The following CFAP65 variants were observed in gnomAD, a reference collection of about 807,000 sequenced individuals.
CFAP65 encodes cilia and flagella associated protein 65.
Under a neutral mutation model 208.0 loss-of-function variants are expected in CFAP65, and 155 were observed. The ratio of observed to expected loss-of-function variants is 0.75; its 90% CI spans 0.65 to 0.85. The LOEUF (loss-of-function observed/expected upper bound fraction) is 0.85, where lower values mean the gene tolerates loss of function less well. Ranked by LOEUF, CFAP65 falls within the 40% of genes least tolerant of loss-of-function variation. The pLI, the probability that CFAP65 is intolerant of heterozygous loss-of-function variation, is 0.00. For missense variants in CFAP65, 2,294 were observed against 2,451.3 expected (o/e 0.94, Z 1.36); for synonymous variants, 970 against 986.3 (o/e 0.98, Z 0.31).
chr2:219,020,568 T>TG (rs57764728), intron 19 of CFAP65, among the ~76,000 whole-genome samples: 18,013 of 152,030 alleles, frequency 0.12, 1,130 homozygotes, highest in East Asian at 0.23. Context: ...TTTGTAGAGA[T>TG]GGGGTCTTGC....
chr2:219,027,122 A>C, intron 13 of CFAP65: 1 of 1,087,898 alleles, frequency 9.2e-7, no homozygotes, highest in Middle Eastern at 4.2e-4. Flanking sequence ...GGGCAGGACT[A>C]ACGGATGAGG....
At chr2:219,013,057 G>A (rs1002890359) in intron 24 of CFAP65, among the ~76,000 whole-genome samples, 65 of 152,120 alleles carry the variant, frequency 4.3e-4, no homozygotes, top group Admixed American at 1.3e-4. Flanking sequence ...CCTGGCAAAG[G>A]GCTTAGCACC....
chr2:219,029,899 G>A lies in CFAP65; in HGVS notation c.1384+87C>T, dbSNP rs552415146. On this transcript the variant is annotated intron_variant, in intron 10 of 34. Transcript: ENST00000341552. ...ACCCAGGCTGAGGCAAGGTGGCCCCGCCTCCTAGGAGCAGGGAAGGAGCTC... is the reference window on the plus strand; with the variant it reads ...ACCCAGGCTGAGGCAAGGTGGCCCCACCTCCTAGGAGCAGGGAAGGAGCTC... The A allele has an allele frequency of 2.5e-5, 34 of 1,360,198 alleles. No homozygotes were observed. The African/African-American group carries it at 2.9e-4, about 12-fold the overall frequency. 84.3% of individuals were successfully genotyped at this position (1,360,198 alleles called of 1,614,324 possible).
Position 219,024,193 on chromosome 2 carries a change from T to A in CFAP65, c.2417A>T (p.Lys806Met), listed in dbSNP as rs9653262. ...RSLLLVNKDCKLLTFSLAPQR... is the reference protein window; with the variant it reads ...RSLLLVNKDCMLLTFSLAPQR... ...GGGGGCCAGGCTGAAGGTCAGCAGCTTGCAGTCTTTGTTGACCAGGAGCAG... is the reference window on the plus strand; with the variant it reads ...GGGGGCCAGGCTGAAGGTCAGCAGCATGCAGTCTTTGTTGACCAGGAGCAG... The change falls in exon 15 of 35, where the codon AAG becomes ATG. Residue 806 changes from lysine to methionine, a missense_variant. Lys to Met is a moderately conservative substitution (Grantham distance 95, BLOSUM62 -1). Coordinates refer to ENST00000341552, the MANE Select transcript of CFAP65 (RefSeq NM_194302.4). The A allele has an allele frequency of 0.012, 18,892 of 1,613,902 alleles. 1,736 individuals carry two copies. The African/African-American group carries it at 0.21, about 18-fold the overall frequency.
rs779299996 is a variant in CFAP65, at chr2:219,028,305, G to A, written c.1747C>T (p.Leu583=). The A allele has an allele frequency of 2.5e-6, 4 of 1,614,170 alleles. No individual in the cohort carries two copies. Among genetic ancestry groups the A allele is most frequent in the Admixed American group, 3.3e-5 (2 of 60,034 alleles). The change falls in exon 12 of 35, where the codon CTG becomes TTG. Residue 583 remains leucine (L), a synonymous_variant. Transcript: ENST00000341552. ...PQHLTWYRTH[L]ARGLTLYPPD... ...GGGTAGAGCGTCAGGCCCCGGGCCA[G>A]GTGTGTGCGGTACCAGGTGAGGTGC...
rs1339543855 is a variant in CFAP65 at position 219,022,238 on chromosome 2, G to A, written c.2912C>T (p.Ala971Val). 1 of 1,606,514 alleles carries A rather than the reference G, an allele frequency of 6.2e-7. No homozygotes were observed. Among genetic ancestry groups the A allele is most frequent in the Non-Finnish European group, 8.5e-7 (1 of 1,176,758 alleles). ...WVWEAGLSPNANPAATTHYML... is the reference protein window; with the variant it reads ...WVWEAGLSPNVNPAATTHYML... ...GTAGTGGGTGGTGGCAGCGGGGTTG[G>A]CATTTGGGGACAGGCCGGCTTCCCA... Residue 971 changes from alanine (A) to valine (V), a missense_variant, in exon 17 of 35, where the codon GCC (alanine) becomes GTC (valine). This residue lies in a region of CFAP65 where 1,427 missense variants were observed against 1,438.7 expected (regional missense o/e 0.99). Transcript: ENST00000341552.
At chr2:219,010,181 A>C in intron 26 of CFAP65, 96 bp from the exon 27 acceptor site, 1 of 1,272,730 alleles carries the variant, frequency 7.9e-7, no homozygotes, top group Non-Finnish European at 1.1e-6. Context: ...AGGTGGGAGG[A>C]TCACGAGGTC....
intron 24 of CFAP65, among the ~76,000 whole-genome samples, chr2:219,012,436 G>T (rs929976406): frequency 6.6e-6 from 1 of 152,230 alleles, no homozygotes; most frequent in Non-Finnish European, 1.5e-5. Flanking sequence ...GAGGGGTAGC[G>T]GGTGGGTATG....
In CFAP65 at chr2:219,006,162, G is replaced by A. The variant is rs369632728; in HGVS notation, c.4781C>T (p.Thr1594Ile). ...VSRPASWKLQTPKEEVSWPCP... is the reference protein window; with the variant it reads ...VSRPASWKLQIPKEEVSWPCP... Reference sequence around the variant, plus strand: ...GGGCCAGGACACCTCCTCCTTTGGGGTCTGCAGTTTCCAGCTGGCAGGCCG... The same window carrying A: ...GGGCCAGGACACCTCCTCCTTTGGGATCTGCAGTTTCCAGCTGGCAGGCCG... The change falls in exon 31 of 35, where the codon ACC (threonine) becomes ATC (isoleucine). Residue 1594 changes from threonine (T) to isoleucine (I), a missense_variant. Physicochemically the swap from Thr to Ile is moderately conservative, Grantham distance 89. Around this residue, in one of 2 missense-constraint regions of CFAP65, gnomAD observed 1,427 missense variants for 1,438.7 expected, o/e 0.99. Transcript: ENST00000341552. 165 of 1,613,012 alleles carry A rather than the reference G, an allele frequency of 1.0e-4. No homozygotes were observed. The Middle Eastern group carries it at 1.5e-3, about 15-fold the overall frequency.
rs539560155 is a variant in CFAP65 at position 219,014,045 on chromosome 2, C to G, written c.3603-1G>C. The G allele has an allele frequency of 6.2e-7, 1 of 1,607,220 alleles. No individual in the cohort carries two copies. The highest frequency in any genetic ancestry group is 1.3e-5 in the African/African-American group (1 of 74,822). On this transcript the variant is annotated splice_acceptor_variant, in intron 21 of 34. Transcript: ENST00000341552. LOFTEE classifies it high-confidence loss of function. ...CTGGTCACTTGGAAGGAGGAAGGCCCTGGGAGAGGGGTGCAAAGCCATACA... is the reference window on the plus strand; with the variant it reads ...CTGGTCACTTGGAAGGAGGAAGGCCGTGGGAGAGGGGTGCAAAGCCATACA...
intron 23 of CFAP65, 30 bp from the exon 24 acceptor site, chr2:219,013,399 G>A (rs1353438407): frequency 6.4e-7 from 1 of 1,565,406 alleles, no homozygotes. Context: ...CGGAGGAACT[G>A]ACACAGCCAG....
chr2:219,029,895 C>G, intron 10 of CFAP65, 91 bp downstream of exon 10: 1 of 1,332,424 alleles, frequency 7.5e-7, no homozygotes, highest in Non-Finnish European at 1.0e-6. Flanking sequence ...GGCAAGGTGG[C>G]CCCGCCTCCT....
chr2:219,010,020 G>A lies in CFAP65; in HGVS notation c.4374C>T (p.Arg1458=), dbSNP rs1946360390. The A allele has an allele frequency of 6.2e-7, 1 of 1,612,820 alleles. No individual in the cohort carries two copies. The highest frequency in any genetic ancestry group is 2.2e-5 in the East Asian group (1 of 44,870). The change falls in exon 27 of 35, where the codon CGC becomes CGT. Residue 1458 remains arginine (R), a synonymous_variant. Coordinates refer to ENST00000341552, the MANE Select transcript of CFAP65 (RefSeq NM_194302.4). The part of the protein sequence containing the change: ...GNIPVQSKCS[R]LLFLNNISKN... ...TGGAGATGTTGTTGAGGAAGAGCAG[G>A]CGGCTGCACTTGCTCTGCACAGGTA... is the stretch of plus-strand genomic sequence containing the variant.
In CFAP65 at chr2:219,028,239, C is replaced by A; in HGVS notation, c.1813G>T (p.Ala605Ser). 6.2e-7 allele frequency: 1 copy of A among 1,614,054 alleles called. No individual in the cohort carries two copies. The highest frequency in any genetic ancestry group is 8.5e-7 in the Non-Finnish European group (1 of 1,179,968). Reference protein sequence around the residue: ...LDAMLKEKKLAQDQNGALMIP... With the variant: ...LDAMLKEKKLSQDQNGALMIP... ...ATGAGAGCCCCGTTCTGGTCCTGTG[C>A]CAGCTTCTTCTCCTTCAGCATGGCA... Residue 605 changes from alanine to serine, a missense_variant, in exon 12 of 35, where the codon GCA (alanine) becomes TCA (serine). Coordinates refer to ENST00000341552, the MANE Select transcript of CFAP65 (RefSeq NM_194302.4).
At chr2:219,026,473 G>A (rs993050883) in intron 13 of CFAP65, 4 of 247,788 alleles carry the variant, frequency 1.6e-5, no homozygotes, top group African/African-American at 4.5e-5. Context: ...GAAATATCAC[G>A]TGAGCCACAA....
At chr2:219,005,376 C>T in intron 32 of CFAP65, 58 bp downstream of exon 32, 1 of 1,607,042 alleles carries the variant, frequency 6.2e-7, no homozygotes, top group South Asian at 1.1e-5. Flanking sequence ...GGGGCTCTGG[C>T]TGAATGAGCT....
At chr2:219,006,604 C>A (rs923085075) in intron 29 of CFAP65, 95 bp from the exon 30 acceptor site, 1 of 1,216,300 alleles carries the variant, frequency 8.2e-7, no homozygotes, top group East Asian at 2.4e-5. Flanking sequence ...AAGGCCAAGG[C>A]GGGCGGATCA....
At chr2:219,017,996 C>T (rs1947019118) in intron 21 of CFAP65, among the ~76,000 whole-genome samples, 1 of 152,194 alleles carries the variant, frequency 6.6e-6, no homozygotes, top group Admixed American at 6.5e-5. Flanking sequence ...TCTTCCTCCA[C>T]CATGGAGGAG....
At chr2:219,009,191 T>A in intron 28 of CFAP65, 37 bp from the exon 29 acceptor site, 1 of 1,587,062 alleles carries the variant, frequency 6.3e-7, no homozygotes, top group Non-Finnish European at 8.6e-7. Context: ...GGCCAAGGTC[T>A]GGAGCTTGCC....
Sources: allele counts gnomAD v4.1 joint callset (sites outside exome capture counted in the v4.1 genomes callset), GRCh38; gene constraint gnomAD v4.1.1; regional missense constraint gnomAD v4.1.1; transcripts MANE v1.5; gene names NCBI Gene and HGNC (gene_info 2026-07-23, HGNC 2026-07-21).